The following MARCHF8 variants were observed in gnomAD, a reference collection of about 807,000 sequenced individuals.
MARCHF8 encodes the protein membrane associated ring-CH-type finger 8, also known as E3 ubiquitin-protein ligase MARCHF8.
MARCHF8 carries 40 observed loss-of-function variants against 51.6 expected under a neutral mutation model. The observed-to-expected ratio is 0.77, with a 90% CI of 0.60 to 1.01. The LOEUF (loss-of-function observed/expected upper bound fraction) is 1.01, where lower values mean the gene tolerates loss of function less well. MARCHF8 is among the 50% of genes least tolerant of loss of function. The probability of loss-of-function intolerance (pLI) is 0.00; values close to 1 mark genes in which losing one functional copy is unlikely to be tolerated. For synonymous variants in MARCHF8, 263 were observed against 280.3 expected (o/e 0.94, Z 0.62); for missense variants, 685 against 708.6 (o/e 0.97, Z 0.38).
chr10:45,517,730 G>A (rs1279371329), intron 2 of MARCHF8, among the ~76,000 whole-genome samples: 1 of 152,146 alleles, frequency 6.6e-6, no homozygotes, highest in Non-Finnish European at 1.5e-5. Context: ...GCTTAGAACT[G>A]CTATAACTAA....
chr10:45,563,746 G>A (rs1246475038), intron 1 of MARCHF8, among the ~76,000 whole-genome samples: 1 of 152,084 alleles, frequency 6.6e-6, no homozygotes, highest in Non-Finnish European at 1.5e-5. Context: ...AGACAAATAA[G>A]ATTATTTTAT....
chr10:45,574,036 T>C (rs2044461361), intron 1 of MARCHF8, among the ~76,000 whole-genome samples: 1 of 152,048 alleles, frequency 6.6e-6, no homozygotes, highest in South Asian at 2.1e-4. Flanking sequence ...ATTGTTGCCT[T>C]TTCCCCCAGT....
At chr10:45,492,146 AAC>A (rs2043091887) in intron 2 of MARCHF8, among the ~76,000 whole-genome samples, 1 of 152,180 alleles carries the variant, frequency 6.6e-6, no homozygotes, top group Admixed American at 6.5e-5. Context: ...AGCCCTAGAA[AAC>A]ACAGGGGTTT....
intron 7 of MARCHF8, 92 bp from the exon 8 acceptor site, chr10:45,458,635 TTTGTTG>T (rs1005565068): frequency 8.4e-6 from 11 of 1,308,212 alleles, no homozygotes; most frequent in African/African-American, 1.5e-5. Context: ...CAACTGATTC[TTTGTTG>T]TTGTTGTTGT....
In MARCHF8 at chr10:45,569,884, G is replaced by A. The variant is rs549755471; in HGVS notation, c.-79+24351C>T. On this transcript the variant is annotated intron_variant, in intron 1 of 6. Coordinates refer to the MARCHF8 transcript ENST00000319836. ...GAAGAAAAAAACAAGACCCAATTAT[G>A]TCTACAAGAGATACCTTTTGAATAT... is the stretch of plus-strand genomic sequence containing the variant. 1.4e-4 allele frequency among the ~76,000 whole-genome samples: 21 copies of A among 152,084 alleles called. No homozygotes were observed. The South Asian group carries it at 4.4e-3, about 32-fold the overall frequency.
intron 3 of MARCHF8, among the ~76,000 whole-genome samples, chr10:45,485,552 T>A (rs1001588677): frequency 2.6e-5 from 4 of 152,240 alleles, no homozygotes; most frequent in Admixed American, 2.6e-4. Context: ...AGCAGCCTCA[T>A]AAACATCTCA....
At chr10:45,498,262 T>C (rs932184227) in intron 2 of MARCHF8, among the ~76,000 whole-genome samples, 1 of 152,210 alleles carries the variant, frequency 6.6e-6, no homozygotes, top group Non-Finnish European at 1.5e-5. Flanking sequence ...CAGAACTTTT[T>C]CATCTTGCAA....
intron 2 of MARCHF8, among the ~76,000 whole-genome samples, chr10:45,505,697 T>C (rs1325656062): frequency 6.6e-6 from 1 of 152,230 alleles, no homozygotes; most frequent in Non-Finnish European, 1.5e-5. Flanking sequence ...TATTTCCCAA[T>C]GGGGATTCGG....
At chr10:45,540,896 G>A (rs530164186) in intron 1 of MARCHF8, among the ~76,000 whole-genome samples, 40 of 152,244 alleles carry the variant, frequency 2.6e-4, no homozygotes, top group African/African-American at 8.7e-4. Flanking sequence ...TTACAATGGC[G>A]ATCATTAAAA....
At chr10:45,501,277 A>G (rs573597369) in intron 2 of MARCHF8, among the ~76,000 whole-genome samples, 2 of 152,164 alleles carry the variant, frequency 1.3e-5, no homozygotes, top group Non-Finnish European at 2.9e-5. Flanking sequence ...CAATTTCAAG[A>G]ACTAATATAC....
chr10:45,489,179 A>C (rs1223368771), intron 3 of MARCHF8, among the ~76,000 whole-genome samples, 188 bp downstream of exon 3: 1 of 151,914 alleles, frequency 6.6e-6, no homozygotes, highest in Non-Finnish European at 1.5e-5. Context: ...CCCCCAACAC[A>C]CACTCAAAAT....
upstream of MARCHF8, among the ~76,000 whole-genome samples, chr10:45,538,851 C>T (rs1262435268): frequency 6.6e-5 from 10 of 152,276 alleles, no homozygotes; most frequent in South Asian, 2.1e-3. Context: ...GACTTAGACA[C>T]CCACACAGTA....
At position 45,457,474 on chromosome 10, in the gene MARCHF8, A is replaced by T. The variant is rs1842638930; in HGVS notation, c.*765T>A. On this transcript the variant is annotated 3_prime_UTR_variant, in exon 8 of 8. Coordinates refer to ENST00000453424, the MANE Select transcript of MARCHF8 (RefSeq NM_001282866.2). ...TGCTTGTCCTGTCTTAAAAGTCATG[A>T]GTCTGTTTTATGAACAGAAAGAATG... 6.6e-6 allele frequency: 1 copy of T among 152,562 alleles called. No individual in the cohort carries two copies. Among genetic ancestry groups the T allele is most frequent in the Non-Finnish European group, 1.5e-5 (1 of 68,038 alleles). 9.5% of individuals were successfully genotyped at this position (152,562 alleles called of 1,614,324 possible).
At chr10:45,550,562 A>G (rs1010138072) in intron 1 of MARCHF8, among the ~76,000 whole-genome samples, 5 of 152,120 alleles carry the variant, frequency 3.3e-5, no homozygotes, top group Non-Finnish European at 5.9e-5. Context: ...TATTCTCCAC[A>G]TACTGCAGTA....
At chr10:45,505,284 C>T (rs370426083) in intron 2 of MARCHF8, among the ~76,000 whole-genome samples, 8 of 152,278 alleles carry the variant, frequency 5.3e-5, no homozygotes, top group African/African-American at 1.9e-4. Flanking sequence ...GATTGGGTCC[C>T]CACTCCCAGT....
At chr10:45,516,798 CA>C in intron 2 of MARCHF8, among the ~76,000 whole-genome samples, 1 of 151,994 alleles carries the variant, frequency 6.6e-6, no homozygotes, top group East Asian at 1.9e-4. Context: ...TAAGAGTGCT[CA>C]AAAAAATCCT....
chr10:45,534,408 C>T (rs566937946), intron 1 of MARCHF8, among the ~76,000 whole-genome samples: 1 of 152,184 alleles, frequency 6.6e-6, no homozygotes, highest in South Asian at 2.1e-4. Context: ...ACAGTGTATG[C>T]ATAAACTGTC....
rs1162222731 is a variant in MARCHF8 at position 45,456,745 on chromosome 10, C to G, written c.*1494G>C. Reference sequence around the variant, plus strand: ...CCCCCAGCAACTTTCCCGGAGGTAACTATTTGCCTGGAAAACTAGGAAACT... The same window carrying G: ...CCCCCAGCAACTTTCCCGGAGGTAAGTATTTGCCTGGAAAACTAGGAAACT... On this transcript the variant is annotated 3_prime_UTR_variant, in exon 8 of 8. Coordinates refer to ENST00000453424, the MANE Select transcript of MARCHF8 (RefSeq NM_001282866.2). 6.6e-6 allele frequency: 1 copy of G among 152,204 alleles called. No individual in the cohort carries two copies. The highest frequency in any genetic ancestry group is 1.5e-5 in the Non-Finnish European group (1 of 68,034). 9.4% of individuals were successfully genotyped at this position (152,204 alleles called of 1,614,324 possible).
At chr10:45,487,935 T>C (rs760566712) in intron 3 of MARCHF8, among the ~76,000 whole-genome samples, 4 of 152,054 alleles carry the variant, frequency 2.6e-5, no homozygotes, top group Non-Finnish European at 4.4e-5. Flanking sequence ...TGTTTGGCCA[T>C]ATGCCAAAAA....
Sources: gnomAD v4.1 joint callset for allele counts (sites outside exome capture counted in the v4.1 genomes callset) on GRCh38, gnomAD v4.1.1 for gene constraint, MANE v1.5 for transcripts, NCBI Gene and HGNC (gene_info 2026-07-23, HGNC 2026-07-21) for gene names.